Variants in SLC25A13 observed in about 807,000 individuals in gnomAD.
The protein encoded by SLC25A13 is electrogenic aspartate/glutamate antiporter SLC25A13, mitochondrial.
In SLC25A13, 70 loss-of-function variants were observed where a neutral mutation model predicts 85.5. That is an observed-to-expected ratio of 0.82 (90% CI 0.68 to 1.00). The LOEUF (loss-of-function observed/expected upper bound fraction) is 1.00, where lower values mean the gene tolerates loss of function less well. Ranked by LOEUF, SLC25A13 falls within the 50% of genes least tolerant of loss-of-function variation. The pLI is 0.00. For missense variants in SLC25A13, 765 were observed against 819.8 expected (o/e 0.93, Z 0.82); for synonymous variants, 259 against 288.7 (o/e 0.90, Z 1.04).
At chr7:96,201,184 T>C (rs1393191484) in intron 5 of SLC25A13, among the ~76,000 whole-genome samples, 8 of 151,924 alleles carry the variant, frequency 5.3e-5, no homozygotes, top group African/African-American at 1.9e-4. Context: ...ATAGTGAAAA[T>C]GAAAATACAA....
chr7:96,267,678 G>A (rs1246395627), intron 3 of SLC25A13, among the ~76,000 whole-genome samples: 1 of 151,994 alleles, frequency 6.6e-6, no homozygotes, highest in Non-Finnish European at 1.5e-5. Flanking sequence ...GCCGGGTGTG[G>A]TGGTGCATGC....
At chr7:96,193,395 C>G (rs935211798) in intron 5 of SLC25A13, among the ~76,000 whole-genome samples, 1 of 152,172 alleles carries the variant, frequency 6.6e-6, no homozygotes, top group African/African-American at 2.4e-5. Context: ...AAAGTGCACT[C>G]TACCTTACTC....
chr7:96,166,271 T>C (rs1793737749), intron 13 of SLC25A13, among the ~76,000 whole-genome samples: 1 of 152,234 alleles, frequency 6.6e-6, no homozygotes, highest in Non-Finnish European at 1.5e-5. Context: ...CCTGGACCCA[T>C]TATCAAAGGA....
At chr7:96,206,091 G>T (rs1795451048) in intron 5 of SLC25A13, among the ~76,000 whole-genome samples, 1 of 152,190 alleles carries the variant, frequency 6.6e-6, no homozygotes, top group Non-Finnish European at 1.5e-5. Flanking sequence ...GAGGAGTGCT[G>T]TCTCTACATG....
Position 96,171,457 on chromosome 7 carries a change from A to G in SLC25A13, c.1230+15T>C, listed in dbSNP as rs201432251. On this transcript the variant is annotated intron_variant, in intron 12 of 17. Coordinates refer to ENST00000265631, the MANE Select transcript of SLC25A13 (RefSeq NM_014251.3). Reference sequence around the variant, plus strand: ...CAAAATCCCTTAATAAGAAGCACCAACTCAAAAGACTTACTGTAAGTTTTA... The same window carrying G: ...CAAAATCCCTTAATAAGAAGCACCAGCTCAAAAGACTTACTGTAAGTTTTA... 1.5e-5 allele frequency: 24 copies of G among 1,609,822 alleles called. No homozygotes were observed. In the East Asian group the frequency reaches 5.4e-4, roughly 36 times the overall value.
At chr7:96,209,204 A>G (rs1168212486) in intron 4 of SLC25A13, among the ~76,000 whole-genome samples, 1 of 152,160 alleles carries the variant, frequency 6.6e-6, no homozygotes, top group Non-Finnish European at 1.5e-5. Flanking sequence ...AAAATCAAGA[A>G]GTCTCTCACA....
chr7:96,278,491 C>T (rs1479154098), intron 2 of SLC25A13, among the ~76,000 whole-genome samples: 3 of 152,184 alleles, frequency 2.0e-5, no homozygotes, highest in African/African-American at 4.8e-5. Context: ...TGGCATCCCA[C>T]GGGTCTGGAC....
chr7:96,221,077 C>A (rs1460826829), intron 4 of SLC25A13, among the ~76,000 whole-genome samples: 1 of 152,126 alleles, frequency 6.6e-6, no homozygotes, highest in Non-Finnish European at 1.5e-5. Context: ...ATTATCCCAC[C>A]AACTGGAAGT....
At chr7:96,178,353 T>C (rs1000388196) in intron 11 of SLC25A13, among the ~76,000 whole-genome samples, 1 of 152,078 alleles carries the variant, frequency 6.6e-6, no homozygotes, top group African/African-American at 2.4e-5. Context: ...AAGGCAGTAG[T>C]TACCAGTTCT....
intron 14 of SLC25A13, among the ~76,000 whole-genome samples, chr7:96,146,245 A>G (rs1792783008): frequency 6.6e-6 from 1 of 152,300 alleles, no homozygotes; most frequent in African/African-American, 2.4e-5. Context: ...AACTGAACTC[A>G]GCGTATCAAT....
chr7:96,197,637 T>C (rs951954324), intron 5 of SLC25A13, among the ~76,000 whole-genome samples: 5 of 152,200 alleles, frequency 3.3e-5, no homozygotes, highest in Admixed American at 2.0e-4. Context: ...TCTGAATGTA[T>C]ACTATGGGTT....
chr7:96,294,660 A>G (rs1463516548), intron 2 of SLC25A13, among the ~76,000 whole-genome samples: 1 of 151,990 alleles, frequency 6.6e-6, no homozygotes, highest in Non-Finnish European at 1.5e-5. Context: ...TTCTGGGCTA[A>G]AAACAAATTT....
At chr7:96,280,798 T>C (rs560381444) in intron 2 of SLC25A13, among the ~76,000 whole-genome samples, 10 of 151,820 alleles carry the variant, frequency 6.6e-5, no homozygotes, top group Admixed American at 1.3e-4. Context: ...ATGGCAAAAA[T>C]GTGGAGCAAA....
At chr7:96,132,293 G>A (rs1193573950) in intron 14 of SLC25A13, among the ~76,000 whole-genome samples, 2 of 152,136 alleles carry the variant, frequency 1.3e-5, no homozygotes, top group Non-Finnish European at 2.9e-5. Flanking sequence ...CTAGGAAGTA[G>A]ACAAATTATA....
At chr7:96,180,076 C>T (rs1794362095) in intron 11 of SLC25A13, among the ~76,000 whole-genome samples, 1 of 152,090 alleles carries the variant, frequency 6.6e-6, no homozygotes, top group Admixed American at 6.5e-5. Context: ...GAGAACATTC[C>T]AGGATGGAAG....
At chr7:96,306,959 G>A in intron 1 of SLC25A13, 1 of 866,622 alleles carries the variant, frequency 1.2e-6, no homozygotes, top group Admixed American at 2.0e-5. Flanking sequence ...CTCCTGTAGT[G>A]ACCACAGGTC....
intron 2 of SLC25A13, among the ~76,000 whole-genome samples, chr7:96,296,232 G>A (rs1367466523): frequency 1.3e-5 from 2 of 152,054 alleles, no homozygotes; most frequent in Non-Finnish European, 1.5e-5. Context: ...TCCCATGGAT[G>A]AGTGAAGGAT....
intron 9 of SLC25A13, 98 bp downstream of exon 9, chr7:96,189,196 G>T: frequency 2.0e-6 from 2 of 1,004,330 alleles, no homozygotes; most frequent in Non-Finnish European, 3.1e-6. Context: ...AAATGGTTAA[G>T]TCAGATACCA....
intron 1 of SLC25A13, among the ~76,000 whole-genome samples, chr7:96,307,631 A>AT (rs1291376046): frequency 6.6e-6 from 1 of 152,064 alleles, no homozygotes; most frequent in African/African-American, 2.4e-5. Flanking sequence ...ATGAAACAAT[A>AT]TTGAGGACAT....
Sources: gnomAD v4.1 joint callset for allele counts (sites outside exome capture counted in the v4.1 genomes callset) on GRCh38, gnomAD v4.1.1 for gene constraint, MANE v1.5 for transcripts, NCBI Gene and HGNC (gene_info 2026-07-23, HGNC 2026-07-21) for gene names.